The following TRIO variants were observed in gnomAD, a reference collection of about 807,000 sequenced individuals.
TRIO encodes trio Rho guanine nucleotide exchange factor.
A neutral mutation model predicts 351.9 loss-of-function variants in TRIO; 58 were observed. The observed-to-expected ratio is 0.16, with a 90% CI of 0.13 to 0.21. The LOEUF (loss-of-function observed/expected upper bound fraction) is 0.21, where lower values mean the gene tolerates loss of function less well. Ranked by LOEUF, TRIO falls within the 10% of genes least tolerant of loss-of-function variation. The pLI, the probability that TRIO is intolerant of heterozygous loss-of-function variation, is 1.00. For missense variants in TRIO, 3,201 were observed against 4,027.8 expected (o/e 0.79, Z 5.56); for synonymous variants, 1,758 against 1,595.7 (o/e 1.10, Z -2.42).
intron 1 of TRIO, among the ~76,000 whole-genome samples, chr5:14,266,193 G>A (rs949971041): frequency 1.4e-4 from 21 of 152,034 alleles, no homozygotes; most frequent in Non-Finnish European, 2.5e-4. Flanking sequence ...CGAGTAGCTG[G>A]GACTACAGGT....
chr5:14,417,178 C>T (rs1171259222), intron 33 of TRIO, among the ~76,000 whole-genome samples: 1 of 152,210 alleles, frequency 6.6e-6, no homozygotes, highest in African/African-American at 2.4e-5. Context: ...GCATCTTTGA[C>T]TGTTCAGAGA....
chr5:14,173,746 AT>A (rs1215520130), intron 1 of TRIO, among the ~76,000 whole-genome samples: 2 of 152,222 alleles, frequency 1.3e-5, no homozygotes. Flanking sequence ...TAGGCTGATA[AT>A]GTAATTTTGG....
intron 1 of TRIO, among the ~76,000 whole-genome samples, chr5:14,192,144 T>C (rs1790497248): frequency 6.6e-6 from 1 of 152,186 alleles, no homozygotes; most frequent in African/African-American, 2.4e-5. Flanking sequence ...GAGCCATATA[T>C]ACATTATCTC....
At chr5:14,182,103 T>G (rs909799650) in intron 1 of TRIO, among the ~76,000 whole-genome samples, 1 of 151,818 alleles carries the variant, frequency 6.6e-6, no homozygotes, top group African/African-American at 2.4e-5. Context: ...AAGGGCATTT[T>G]TTTTTTTTCT....
At chr5:14,251,210 T>G (rs980749914) in intron 1 of TRIO, among the ~76,000 whole-genome samples, 1 of 152,190 alleles carries the variant, frequency 6.6e-6, no homozygotes, top group African/African-American at 2.4e-5. Flanking sequence ...TTTCCTTGAT[T>G]TCATAGTTGA....
At chr5:14,427,339 C>T (rs560610070) in intron 34 of TRIO, among the ~76,000 whole-genome samples, 35 of 152,294 alleles carry the variant, frequency 2.3e-4, no homozygotes, top group African/African-American at 7.9e-4. Context: ...CCCCTTCACC[C>T]CCCATGGCAC....
At chr5:14,364,591 T>C in intron 14 of TRIO, 59 bp from the exon 15 acceptor site, 2 of 1,546,566 alleles carry the variant, frequency 1.3e-6, no homozygotes, top group Non-Finnish European at 1.7e-6. Flanking sequence ...CATCCACCCT[T>C]TGAGAACAGA....
intron 48 of TRIO, 174 bp downstream of exon 48, chr5:14,488,434 A>ACT (rs1214349644): frequency 2.2e-6 from 2 of 892,830 alleles, no homozygotes; most frequent in Non-Finnish European, 3.3e-6. Context: ...GGCGCTACTA[A>ACT]CTACTCCTTG....
In TRIO at chr5:14,378,125, C is replaced by T; in HGVS notation, c.3445C>T (p.Gln1149Ter). ...QYVVFERSAK[Q>*]ALEWIHDNGE... ...CGTGGTCTTTGAGAGGAGTGCCAAG[C>T]AGGTCAGTGCACACCTGGTGCCCAG... The change falls in exon 20 of 57, where the codon CAG becomes TAG. Residue 1149 changes from glutamine to a stop codon, truncating the protein, a stop_gained and splice_region_variant. Coordinates refer to ENST00000344204, the MANE Select transcript of TRIO (RefSeq NM_007118.4). LOFTEE classifies it high-confidence loss of function. 1 of 1,607,764 alleles carries T rather than the reference C, an allele frequency of 6.2e-7. No individual in the cohort carries two copies. The highest frequency in any genetic ancestry group is 8.5e-7 in the Non-Finnish European group (1 of 1,176,892).
At chr5:14,437,603 C>T (rs1324326615) in intron 34 of TRIO, among the ~76,000 whole-genome samples, 1 of 151,744 alleles carries the variant, frequency 6.6e-6, no homozygotes, top group African/African-American at 2.4e-5. Context: ...TCTTGGCTTG[C>T]AGAGGCAAGA....
chr5:14,431,262 G>C (rs1403564360), intron 34 of TRIO, among the ~76,000 whole-genome samples: 1 of 152,118 alleles, frequency 6.6e-6, no homozygotes, highest in Non-Finnish European at 1.5e-5. Context: ...GCTTCATCGT[G>C]GTCTGACCAG....
intron 48 of TRIO, among the ~76,000 whole-genome samples, chr5:14,490,616 G>C (rs926255509): frequency 6.6e-6 from 1 of 152,258 alleles, no homozygotes; most frequent in African/African-American, 2.4e-5. Flanking sequence ...CAGGTGGCCA[G>C]TGCCAGCTCA....
intron 1 of TRIO, among the ~76,000 whole-genome samples, chr5:14,188,096 T>A (rs1432983819): frequency 6.6e-6 from 1 of 152,234 alleles, no homozygotes; most frequent in African/African-American, 2.4e-5. Flanking sequence ...TAATATCTGC[T>A]GGTGTTTTAT....
intron 1 of TRIO, among the ~76,000 whole-genome samples, chr5:14,203,415 C>T (rs1426950339): frequency 6.6e-6 from 1 of 152,196 alleles, no homozygotes; most frequent in Non-Finnish European, 1.5e-5. Context: ...ACATCATCAT[C>T]ATTCTCACAG....
chr5:14,231,992 G>A (rs1305244062), intron 1 of TRIO, among the ~76,000 whole-genome samples: 1 of 152,090 alleles, frequency 6.6e-6, no homozygotes, highest in Non-Finnish European at 1.5e-5. Flanking sequence ...GAGAACATAA[G>A]GACTTAATTA....
intron 1 of TRIO, among the ~76,000 whole-genome samples, chr5:14,178,630 C>T (rs1240269790): frequency 6.6e-6 from 1 of 152,190 alleles, no homozygotes; most frequent in Non-Finnish European, 1.5e-5. Context: ...TGTGATGACT[C>T]GACCTACTGA....
At chr5:14,333,253 C>T (rs1371371697) in intron 10 of TRIO, among the ~76,000 whole-genome samples, 1 of 152,136 alleles carries the variant, frequency 6.6e-6, no homozygotes, top group Admixed American at 6.5e-5. Flanking sequence ...TTGCTGTGTC[C>T]AGAGAAATCC....
chr5:14,307,128 T>G (rs1417179732), intron 8 of TRIO, among the ~76,000 whole-genome samples: 5 of 152,200 alleles, frequency 3.3e-5, no homozygotes. Context: ...AGGAAAGTGG[T>G]AGAATAGCAC....
chr5:14,368,767 C>A lies in TRIO; in HGVS notation c.2934C>A (p.Asn978Lys). 1 of 1,614,128 alleles carries A rather than the reference C, an allele frequency of 6.2e-7. No homozygotes were observed. The highest frequency in any genetic ancestry group is 8.5e-7 in the Non-Finnish European group (1 of 1,180,024). The change falls in exon 17 of 57, where the codon AAC becomes AAA. Residue 978 changes from asparagine (N) to lysine (K), a missense_variant. Asn to Lys is a moderately conservative substitution (Grantham distance 94). Around this residue, in one of 19 missense-constraint regions of TRIO, gnomAD observed 363 missense variants for 553.5 expected, o/e 0.66. Coordinates refer to ENST00000344204, the MANE Select transcript of TRIO (RefSeq NM_007118.4). ...AGGCAGAAGCCATGCTACAGGCCAA[C>A]CACTACGACATGGACATGATCCGGG... ...QQKAEAMLQANHYDMDMIRDC... is the reference protein window; with the variant it reads ...QQKAEAMLQAKHYDMDMIRDC...
Sources: gnomAD v4.1 joint callset for allele counts (sites outside exome capture counted in the v4.1 genomes callset) on GRCh38, gnomAD v4.1.1 for gene constraint, gnomAD v4.1.1 regional missense constraint, MANE v1.5 for transcripts, NCBI Gene and HGNC (gene_info 2026-07-23, HGNC 2026-07-21) for gene names.